The following TMEM74 variants were observed in gnomAD, a reference collection of about 807,000 sequenced individuals.
TMEM74 encodes the protein transmembrane protein 74.
Under a neutral mutation model 18.1 loss-of-function variants are expected in TMEM74, and 13 were observed. The observed-to-expected ratio is 0.72, with a 90% confidence interval of 0.47 to 1.14. The LOEUF (loss-of-function observed/expected upper bound fraction) is 1.14. Ranked by LOEUF, TMEM74 falls within the 50% of genes most tolerant of loss-of-function variation. The pLI is 0.00. For missense variants in TMEM74, 372 were observed against 375.9 expected (o/e 0.99, Z 0.09); for synonymous variants, 159 against 146.6 (o/e 1.08, Z -0.61).
chr8:108,769,605 TTTA>T (rs1586291818), intron 1 of TMEM74, among the ~76,000 whole-genome samples: 1 of 152,124 alleles, frequency 6.6e-6, no homozygotes, highest in South Asian at 2.1e-4. Context: ...TTTCTCTTTA[TTTA>T]TTATTATTAT....
At chr8:108,711,934 T>G (rs1420212339) in intron 1 of TMEM74, among the ~76,000 whole-genome samples, 1 of 152,108 alleles carries the variant, frequency 6.6e-6, no homozygotes, top group African/African-American at 2.4e-5. Flanking sequence ...CATATCTATA[T>G]CTATAGATAT....
chr8:108,655,244 TCTTA>T (rs1396826792), intron 2 of TMEM74: 1 of 152,138 alleles, frequency 6.6e-6, no homozygotes, highest in Non-Finnish European at 1.5e-5. Context: ...TGCAGTAACT[TCTTA>T]CTTGCCAGAG....
At chr8:108,686,435 C>T (rs1313994779) in intron 1 of TMEM74, among the ~76,000 whole-genome samples, 1 of 152,064 alleles carries the variant, frequency 6.6e-6, no homozygotes, top group Admixed American at 6.6e-5. Context: ...ATCTCCTGAC[C>T]TCGTGATCCA....
intron 1 of TMEM74, among the ~76,000 whole-genome samples, chr8:108,657,904 T>TAATTACATATATATATATATATATATATA (rs1812861562): frequency 2.7e-5 from 3 of 109,834 alleles, no homozygotes; most frequent in Admixed American, 2.0e-4. Flanking sequence ...ATATATATAT[T>TAATTACATATATATATATATATATATATA]AATTACATAT....
At chr8:108,702,759 C>G (rs903577831) in intron 1 of TMEM74, among the ~76,000 whole-genome samples, 18 of 135,206 alleles carry the variant, frequency 1.3e-4, no homozygotes, top group African/African-American at 4.9e-4. Context: ...CCCCTCCCCC[C>G]ACCTCACAAC....
chr8:108,691,196 G>A (rs1391203), intron 1 of TMEM74, among the ~76,000 whole-genome samples: 104,470 of 152,054 alleles, frequency 0.69, 36,367 homozygotes, highest in East Asian at 0.86. Context: ...CTTCTGGCTG[G>A]TGGTGCTCCA....
chr8:108,765,406 A>ATTTTTTTTTTTT (rs1563546064), intron 1 of TMEM74, among the ~76,000 whole-genome samples: 5 of 82,702 alleles, frequency 6.0e-5, no homozygotes, highest in African/African-American at 1.1e-4. Context: ...GTTTGGAACT[A>ATTTTTTTTTTTT]CTTTTTTTTT....
chr8:108,613,478 T>A (rs1345144372), intron 2 of TMEM74, among the ~76,000 whole-genome samples: 1 of 152,220 alleles, frequency 6.6e-6, no homozygotes, highest in African/African-American at 2.4e-5. Flanking sequence ...TCTATTTAAC[T>A]TGGAACTATG....
intron 1 of TMEM74, among the ~76,000 whole-genome samples, chr8:108,664,968 C>A (rs534407778): frequency 6.6e-6 from 1 of 152,008 alleles, no homozygotes; most frequent in Non-Finnish European, 1.5e-5. Context: ...CTCTAGATTA[C>A]AAGGAGATCA....
At chr8:108,778,704 A>T (rs1160300559), downstream of TMEM74, among the ~76,000 whole-genome samples, 2 of 152,334 alleles carry the variant, frequency 1.3e-5, no homozygotes, top group East Asian at 1.9e-4. Flanking sequence ...TACATTCTTC[A>T]AATGAAAATG....
chr8:108,649,091 T>A (rs919988401), intron 2 of TMEM74, among the ~76,000 whole-genome samples: 8 of 152,168 alleles, frequency 5.3e-5, no homozygotes, highest in Non-Finnish European at 8.8e-5. Context: ...TACAACCTGG[T>A]TGTCTGTTGT....
At chr8:108,724,715 G>A (rs1418049211) in intron 1 of TMEM74, among the ~76,000 whole-genome samples, 1 of 152,138 alleles carries the variant, frequency 6.6e-6, no homozygotes, top group South Asian at 2.1e-4. Context: ...GCATATCCAG[G>A]GAAATCTTAG....
intron 1 of TMEM74, among the ~76,000 whole-genome samples, chr8:108,759,471 GC>G (rs1281574597): frequency 1.3e-5 from 2 of 152,046 alleles, no homozygotes; most frequent in Non-Finnish European, 2.9e-5. Flanking sequence ...GTTTGTAATA[GC>G]AAAACTTTTG....
chr8:108,691,505 T>C (rs1160610315), intron 1 of TMEM74, among the ~76,000 whole-genome samples: 2 of 152,236 alleles, frequency 1.3e-5, no homozygotes, highest in South Asian at 2.1e-4. Flanking sequence ...TCAGCAGATC[T>C]GAACTGATAA....
intron 1 of TMEM74, among the ~76,000 whole-genome samples, chr8:108,730,909 C>T (rs982853401): frequency 2.6e-5 from 4 of 152,070 alleles, no homozygotes; most frequent in South Asian, 2.1e-4. Context: ...GGATTACAGG[C>T]GTGAGCCACC....
chr8:108,719,395 G>A (rs140610299), intron 1 of TMEM74, among the ~76,000 whole-genome samples: 156 of 151,930 alleles, frequency 1.0e-3, no homozygotes, highest in African/African-American at 3.5e-3. Context: ...TTATTGGATC[G>A]ATCTTCTATT....
chr8:108,671,135 A>C (rs1051175798), intron 1 of TMEM74, among the ~76,000 whole-genome samples: 2 of 152,154 alleles, frequency 1.3e-5, no homozygotes, highest in Admixed American at 1.3e-4. Flanking sequence ...AAAATACATC[A>C]CCTAAACTAT....
intron 1 of TMEM74, among the ~76,000 whole-genome samples, chr8:108,765,288 T>A (rs1246815014): frequency 6.6e-6 from 1 of 152,168 alleles, no homozygotes; most frequent in Admixed American, 6.5e-5. Context: ...TCAGTGATAC[T>A]GGAATTTTTA....
chr8:108,673,389 G>T (rs1470959753), intron 1 of TMEM74, among the ~76,000 whole-genome samples: 1 of 152,332 alleles, frequency 6.6e-6, no homozygotes, highest in East Asian at 1.9e-4. Context: ...CCTACAGTGA[G>T]AAGCTGCTGT....
Sources: gnomAD v4.1 joint callset for allele counts (sites outside exome capture counted in the v4.1 genomes callset) on GRCh38, gnomAD v4.1.1 for gene constraint, MANE v1.5 for transcripts, NCBI Gene and HGNC (gene_info 2026-07-23, HGNC 2026-07-21) for gene names.